The following ACVR2A variants were observed in gnomAD, a reference collection of about 807,000 sequenced individuals.
ACVR2A encodes activin A receptor type 2A.
ACVR2A carries 7 observed loss-of-function variants against 61.4 expected under a neutral mutation model. The ratio of observed to expected loss-of-function variants is 0.11; its 90% CI spans 0.06 to 0.21. The LOEUF (loss-of-function observed/expected upper bound fraction) is 0.21, where lower values mean the gene tolerates loss of function less well. Among genes scored for constraint, ACVR2A ranks in the 10% least tolerant of loss-of-function variants. The pLI is 1.00. For missense variants in ACVR2A, 322 were observed against 621.7 expected, an observed-to-expected ratio of 0.52 and a Z score of 5.13; for synonymous variants, 193 against 208.3, an observed-to-expected ratio of 0.93 and a Z score of 0.63.
chr2:147,896,231 G>C, intron 1 of ACVR2A, 70 bp from the exon 2 acceptor site: 1 of 1,388,206 alleles, frequency 7.2e-7, no homozygotes, highest in Non-Finnish European at 1.0e-6. Flanking sequence ...ACCTAAAGTT[G>C]CTATCTTGGG....
intron 1 of ACVR2A, among the ~76,000 whole-genome samples, chr2:147,884,416 G>A (rs1686381384): frequency 6.6e-6 from 1 of 152,078 alleles, no homozygotes; most frequent in Non-Finnish European, 1.5e-5. Flanking sequence ...ACATTTTGTG[G>A]CTGTAGGCAA....
chr2:147,895,722 T>G (rs1435185603), intron 1 of ACVR2A, among the ~76,000 whole-genome samples: 1 of 152,166 alleles, frequency 6.6e-6, no homozygotes, highest in African/African-American at 2.4e-5. Flanking sequence ...TAAAATAATA[T>G]TGTCTTTTCT....
chr2:147,903,214 C>T (rs995741429), intron 4 of ACVR2A, among the ~76,000 whole-genome samples: 3 of 150,802 alleles, frequency 2.0e-5, no homozygotes, highest in African/African-American at 7.3e-5. Context: ...ATAAATTTAG[C>T]ACAGTCGAAG....
At chr2:147,858,259 TA>T (rs1327024667) in intron 1 of ACVR2A, among the ~76,000 whole-genome samples, 2 of 152,218 alleles carry the variant, frequency 1.3e-5, no homozygotes, top group African/African-American at 4.8e-5. Flanking sequence ...TTAATACAGT[TA>T]TTTTTTTCAA....
intron 1 of ACVR2A, among the ~76,000 whole-genome samples, chr2:147,856,280 A>G (rs972903651): frequency 6.6e-6 from 1 of 152,184 alleles, no homozygotes; most frequent in Admixed American, 6.5e-5. Context: ...GCATTATTAC[A>G]CACAGGTAAA....
intron 1 of ACVR2A, among the ~76,000 whole-genome samples, chr2:147,891,168 C>T (rs1338241741): frequency 1.3e-5 from 2 of 152,126 alleles, no homozygotes; most frequent in African/African-American, 4.8e-5. Context: ...CCCTAGGCAG[C>T]CATTACTAAC....
At chr2:147,891,390 A>G (rs1253805707) in intron 1 of ACVR2A, among the ~76,000 whole-genome samples, 4 of 152,174 alleles carry the variant, frequency 2.6e-5, no homozygotes, top group African/African-American at 9.7e-5. Context: ...CAAAATAAAC[A>G]AAAGGTAGGT....
At chr2:147,852,917 A>G (rs1010047357) in intron 1 of ACVR2A, among the ~76,000 whole-genome samples, 7 of 152,104 alleles carry the variant, frequency 4.6e-5, no homozygotes, top group African/African-American at 1.7e-4. Flanking sequence ...AGAGTTCACA[A>G]TTGCTTGAAG....
chr2:147,930,164 A>G lies in ACVR2A; in HGVS notation c.*2890A>G, dbSNP rs572317567. ...TCTTTCATGGTGATGTTTTGAAAATACAATCAGGAAAAAACCCAACACCTT... is the reference window on the plus strand; with the variant it reads ...TCTTTCATGGTGATGTTTTGAAAATGCAATCAGGAAAAAACCCAACACCTT... On this transcript the variant is annotated 3_prime_UTR_variant, in exon 11 of 11. Coordinates refer to ENST00000241416, the MANE Select transcript of ACVR2A (RefSeq NM_001616.5). 6.6e-6 allele frequency: 1 copy of G among 152,558 alleles called. No individual in the cohort carries two copies. Among genetic ancestry groups the G allele is most frequent in the Admixed American group, 6.6e-5 (1 of 15,228 alleles). 9.5% of individuals were successfully genotyped at this position (152,558 alleles called of 1,614,324 possible). A position where few individuals can be genotyped will look rare whatever the true frequency, so the allele number is the denominator to read the frequency against.
chr2:147,900,117 G>A (rs1296994731), intron 4 of ACVR2A, among the ~76,000 whole-genome samples: 2 of 152,072 alleles, frequency 1.3e-5, no homozygotes, highest in African/African-American at 4.8e-5. Context: ...GTAGAATGAA[G>A]GGATATTCCC....
rs1446042220 is a variant in ACVR2A, at chr2:147,927,667, CT to C, written c.*397del. 6.4e-6 allele frequency: 1 copy of C among 156,258 alleles called. No individual in the cohort carries two copies. The highest frequency in any genetic ancestry group is 6.5e-5 in the Admixed American group (1 of 15,316). 9.7% of individuals were successfully genotyped at this position (156,258 alleles called of 1,614,324 possible). ...ACTGCTATTTTTTTTAAATCAAAAA[CT>C]TTTCATTTCAGATTTTAAAAAGGGT... On this transcript the variant is annotated 3_prime_UTR_variant, in exon 11 of 11. Coordinates refer to ENST00000241416, the MANE Select transcript of ACVR2A (RefSeq NM_001616.5).
chr2:147,904,129 GT>G (rs1686933500), intron 4 of ACVR2A, among the ~76,000 whole-genome samples: 1 of 152,062 alleles, frequency 6.6e-6, no homozygotes, highest in East Asian at 1.9e-4. Context: ...CATCCTATCT[GT>G]TTTCGTTACC....
chr2:147,901,562 A>G (rs1178118002), intron 4 of ACVR2A, among the ~76,000 whole-genome samples: 4 of 152,054 alleles, frequency 2.6e-5, no homozygotes, highest in Non-Finnish European at 4.4e-5. Flanking sequence ...GAGTATCCGT[A>G]CATCTCTGTG....
intron 1 of ACVR2A, among the ~76,000 whole-genome samples, chr2:147,846,225 TTTA>T (rs1275438869): frequency 1.3e-5 from 2 of 151,916 alleles, no homozygotes; most frequent in Non-Finnish European, 2.9e-5. Flanking sequence ...ATTGGATCTA[TTTA>T]TTGTAAAATT....
At chr2:147,852,815 T>C (rs184326688) in intron 1 of ACVR2A, among the ~76,000 whole-genome samples, 61 of 152,128 alleles carry the variant, frequency 4.0e-4, no homozygotes, top group African/African-American at 1.4e-3. Context: ...AGGAACACAA[T>C]AGCCATTTGA....
intron 1 of ACVR2A, among the ~76,000 whole-genome samples, chr2:147,847,807 A>G (rs1369018899): frequency 6.6e-6 from 1 of 152,184 alleles, no homozygotes. Context: ...CAAAACATAA[A>G]TCTTAGTTTT....
At chr2:147,890,341 A>AGTGTGTGTGTGTGTGTGTGT (rs60514095) in intron 1 of ACVR2A, among the ~76,000 whole-genome samples, 2 of 148,840 alleles carry the variant, frequency 1.3e-5, no homozygotes, top group Non-Finnish European at 1.5e-5. Context: ...CCATTAGTAT[A>AGTGTGTGTGTGTGTGTGTGT]GTGTGTGTGT....
intron 1 of ACVR2A, among the ~76,000 whole-genome samples, chr2:147,855,758 AAAG>A (rs941392340): frequency 8.5e-5 from 13 of 152,268 alleles, no homozygotes; most frequent in African/African-American, 3.1e-4. Flanking sequence ...TTCTCAGAAA[AAAG>A]AAATAATGAA....
rs1159736760 is a variant in ACVR2A, at chr2:147,929,059, A to G, written c.*1785A>G. On this transcript the variant is annotated 3_prime_UTR_variant, in exon 11 of 11. Coordinates refer to ENST00000241416, the MANE Select transcript of ACVR2A (RefSeq NM_001616.5). ...GAATAGTAAATTAATTATGTTATTT[A>G]TAAACAATACATAGGTCAACAGACT... The G allele has an allele frequency of 6.6e-6, 1 of 152,460 alleles. No homozygotes were observed. The highest frequency in any genetic ancestry group is 2.4e-5 in the African/African-American group (1 of 41,418). The allele number at this position is 152,460 out of a possible 1,614,324, so 9.4% of individuals were successfully genotyped here. A position where few individuals can be genotyped will look rare whatever the true frequency, so the allele number is the denominator to read the frequency against.
Sources: gnomAD v4.1 joint callset for allele counts (sites outside exome capture counted in the v4.1 genomes callset) on GRCh38, gnomAD v4.1.1 for gene constraint, MANE v1.5 for transcripts, NCBI Gene and HGNC (gene_info 2026-07-23, HGNC 2026-07-21) for gene names.